CCDC91: variants seen among roughly 807,000 people sequenced by gnomAD.
The protein encoded by CCDC91 is coiled-coil domain containing 91.
In CCDC91, 48 loss-of-function variants were observed where a neutral mutation model predicts 63.2. That is an observed-to-expected ratio of 0.76 (90% CI 0.60 to 0.97). The LOEUF is 0.97. CCDC91 is among the 50% of genes least tolerant of loss of function. The pLI is 0.00. For missense variants in CCDC91, 500 were observed against 494.6 expected, an observed-to-expected ratio of 1.01 and a Z score of -0.10; for synonymous variants, 167 against 165.8, an observed-to-expected ratio of 1.01 and a Z score of -0.06.
chr12:28,267,849 A>AT (rs1446686200), intron 3 of CCDC91, among the ~76,000 whole-genome samples: 1,786 of 23,922 alleles, frequency 0.075, 440 homozygotes, highest in Admixed American at 0.089. Flanking sequence ...ATATAATTAT[A>AT]TAGTAATATA....
At chr12:28,511,311 C>T (rs538935933) in intron 12 of CCDC91, among the ~76,000 whole-genome samples, 2 of 152,006 alleles carry the variant, frequency 1.3e-5, no homozygotes, top group South Asian at 2.1e-4. Context: ...AATCAGATCA[C>T]GGCATTCCCA....
chr12:28,351,891 C>T (rs1356528935), intron 6 of CCDC91, among the ~76,000 whole-genome samples: 7 of 152,024 alleles, frequency 4.6e-5, no homozygotes, highest in African/African-American at 1.4e-4. Context: ...CTTGTGAATC[C>T]TCTGAGTTAA....
chr12:28,300,859 C>T (rs1938000102), intron 3 of CCDC91, among the ~76,000 whole-genome samples: 1 of 151,372 alleles, frequency 6.6e-6, no homozygotes, highest in Non-Finnish European at 1.5e-5. Context: ...GTCTTTGTTG[C>T]AGTGAAAAAT....
chr12:28,494,507 T>G (rs1952178473), intron 12 of CCDC91, among the ~76,000 whole-genome samples: 1 of 151,766 alleles, frequency 6.6e-6, no homozygotes, highest in Admixed American at 6.6e-5. Flanking sequence ...GGTATAGTTC[T>G]TATATTTTCA....
intron 7 of CCDC91, among the ~76,000 whole-genome samples, chr12:28,380,335 A>G: frequency 6.6e-6 from 1 of 152,104 alleles, no homozygotes; most frequent in East Asian, 1.9e-4. Context: ...ATAATAAAAA[A>G]GATGTGTAGA....
chr12:28,426,976 G>T (rs1948355177), intron 8 of CCDC91, among the ~76,000 whole-genome samples: 1 of 152,088 alleles, frequency 6.6e-6, no homozygotes, highest in African/African-American at 2.4e-5. Flanking sequence ...GCTGTAAGTT[G>T]CCAGAGGGTT....
intron 10 of CCDC91, among the ~76,000 whole-genome samples, chr12:28,450,946 T>C (rs1272033483): frequency 1.3e-5 from 2 of 151,782 alleles, no homozygotes; most frequent in Non-Finnish European, 3.0e-5. Context: ...ATTTTGTCTT[T>C]TTCTTAAATA....
intron 11 of CCDC91, among the ~76,000 whole-genome samples, chr12:28,479,654 A>G (rs1349880948): frequency 3.9e-5 from 6 of 152,002 alleles, no homozygotes; most frequent in Non-Finnish European, 8.8e-5. Context: ...TTCTGTTTGT[A>G]TGTTGGGATT....
chr12:28,219,105 A>G (rs1943761854), intron 1 of CCDC91, among the ~76,000 whole-genome samples: 1 of 152,170 alleles, frequency 6.6e-6, no homozygotes, highest in South Asian at 2.1e-4. Context: ...ATTCTCACCA[A>G]CACTTGATAT....
chr12:28,411,201 C>T (rs201878211), intron 8 of CCDC91, among the ~76,000 whole-genome samples: 1 of 151,922 alleles, frequency 6.6e-6, no homozygotes, highest in Non-Finnish European at 1.5e-5. Context: ...ATAGTTCACT[C>T]AGACATTGTT....
intron 12 of CCDC91, among the ~76,000 whole-genome samples, chr12:28,547,158 A>G (rs763636842): frequency 3.3e-5 from 5 of 152,102 alleles, no homozygotes; most frequent in African/African-American, 7.2e-5. Context: ...AAAACATCCA[A>G]AAGTAGACAG....
chr12:28,275,549 G>A (rs531756511), intron 3 of CCDC91, among the ~76,000 whole-genome samples: 4 of 152,220 alleles, frequency 2.6e-5, no homozygotes, highest in African/African-American at 9.6e-5. Context: ...GGTACAAGGA[G>A]GGGCTGATAC....
intron 3 of CCDC91, among the ~76,000 whole-genome samples, chr12:28,304,143 C>G (rs1251002541): frequency 6.6e-6 from 1 of 151,638 alleles, no homozygotes; most frequent in Non-Finnish European, 1.5e-5. Flanking sequence ...CTTTGGGAGG[C>G]CGAGGCGGGC....
chr12:28,398,711 GA>G (rs1315236012), intron 8 of CCDC91, among the ~76,000 whole-genome samples: 4 of 152,150 alleles, frequency 2.6e-5, no homozygotes, highest in Non-Finnish European at 5.9e-5. Flanking sequence ...AGCTTTGGGG[GA>G]ATGGGGTGTG....
intron 6 of CCDC91, among the ~76,000 whole-genome samples, chr12:28,329,559 C>G (rs1016776788): frequency 2.0e-5 from 3 of 151,982 alleles, no homozygotes; most frequent in Non-Finnish European, 4.4e-5. Flanking sequence ...GACTAAATGA[C>G]AGACATAGTG....
intron 12 of CCDC91, among the ~76,000 whole-genome samples, chr12:28,517,189 C>T (rs1353951416): frequency 6.6e-6 from 1 of 151,730 alleles, no homozygotes; most frequent in Admixed American, 6.6e-5. Flanking sequence ...ATTACTTAAA[C>T]AAAAAAGGAT....
intron 1 of CCDC91, among the ~76,000 whole-genome samples, chr12:28,250,953 A>AGT (rs3064712): frequency 0.036 from 5,282 of 145,472 alleles, 143 homozygotes; most frequent in Middle Eastern, 0.13. Flanking sequence ...TTAAGGTTTG[A>AGT]GTGTGTGTGT....
intron 11 of CCDC91, among the ~76,000 whole-genome samples, chr12:28,480,731 C>T (rs993317942): frequency 6.6e-6 from 1 of 151,896 alleles, no homozygotes; most frequent in African/African-American, 2.4e-5. Context: ...ACAATTTCCC[C>T]AGAAAATTAA....
intron 7 of CCDC91, among the ~76,000 whole-genome samples, chr12:28,388,519 A>G (rs1029557309): frequency 4.6e-5 from 7 of 152,226 alleles, no homozygotes; most frequent in Admixed American, 4.6e-4. Context: ...AATAGCTGCA[A>G]AAACATAAAA....
Sources: allele counts gnomAD v4.1 joint callset (sites outside exome capture counted in the v4.1 genomes callset), GRCh38; gene constraint gnomAD v4.1.1; transcripts MANE v1.5; gene names NCBI Gene and HGNC (gene_info 2026-07-23, HGNC 2026-07-21).